The following KSR1 variants were observed in gnomAD, a reference collection of about 807,000 sequenced individuals.
The protein encoded by KSR1 is kinase suppressor of ras.
In KSR1, 35 loss-of-function variants were observed where a neutral mutation model predicts 92.9. The ratio of observed to expected loss-of-function variants is 0.38; its 90% CI spans 0.29 to 0.50. KSR1 has a LOEUF of 0.50. Ranked by LOEUF, KSR1 falls within the 20% of genes least tolerant of loss-of-function variation. The pLI, the probability that KSR1 is intolerant of heterozygous loss-of-function variation, is 0.94. For missense variants in KSR1, 972 were observed against 1,158.5 expected (o/e 0.84, Z 2.34); for synonymous variants, 467 against 472.6 (o/e 0.99, Z 0.15).
At chr17:27,460,133 G>T (rs1222364143) in intron 1 of KSR1, among the ~76,000 whole-genome samples, 1 of 152,102 alleles carries the variant, frequency 6.6e-6, no homozygotes, top group Non-Finnish European at 1.5e-5. Context: ...CCTCCTAGGG[G>T]TCTGAAAACT....
At position 27,501,186 on chromosome 17, in the gene KSR1, G is replaced by T. The variant is rs373741542; in HGVS notation, c.231+44312G>T. Among the ~76,000 whole-genome samples, 5 of 149,488 alleles carry T rather than the reference G, an allele frequency of 3.3e-5. No individual in the cohort carries two copies. In the South Asian group the frequency reaches 8.5e-4, roughly 25 times the overall value. ...TGCAGCCCTGTGATGCAGTATTTAG[G>T]CTTGTGGTTGCTTTAGAGTCAGGAC... On this transcript the variant is annotated intron_variant, in intron 1 of 20. Transcript: ENST00000644974.
chr17:27,546,147 G>C (rs912987740), intron 1 of KSR1, among the ~76,000 whole-genome samples: 5 of 152,184 alleles, frequency 3.3e-5, no homozygotes, highest in African/African-American at 1.2e-4. Context: ...GGAAGGGCTG[G>C]CTGTGAGAAA....
intron 10 of KSR1, among the ~76,000 whole-genome samples, chr17:27,599,110 C>A (rs928311452): frequency 6.6e-6 from 1 of 152,218 alleles, no homozygotes; most frequent in Non-Finnish European, 1.5e-5. Flanking sequence ...CTCCACACGC[C>A]TCGGCTGTGT....
intron 1 of KSR1, among the ~76,000 whole-genome samples, chr17:27,473,527 AG>A (rs2020138222): frequency 6.6e-6 from 1 of 152,176 alleles, no homozygotes; most frequent in African/African-American, 2.4e-5. Context: ...TGTGAGGAGC[AG>A]CCTGTAGGGC....
chr17:27,482,658 G>A (rs778552590), intron 1 of KSR1, among the ~76,000 whole-genome samples: 15 of 152,144 alleles, frequency 9.9e-5, no homozygotes, highest in Admixed American at 2.6e-4. Context: ...TAGACCTATG[G>A]CACTTAAAAA....
chr17:27,611,291 C>A, intron 17 of KSR1: 1 of 601,372 alleles, frequency 1.7e-6, no homozygotes, highest in South Asian at 2.1e-5. Context: ...CTCAGACTTC[C>A]CACCCAACGA....
chr17:27,500,385 G>A (rs2069135356), intron 1 of KSR1, among the ~76,000 whole-genome samples: 1 of 152,156 alleles, frequency 6.6e-6, no homozygotes, highest in Non-Finnish European at 1.5e-5. Flanking sequence ...ACGGGATAGT[G>A]TAGGTTTGAT....
At chr17:27,585,623 C>T (rs376129727) in intron 4 of KSR1, 34 bp from the exon 5 acceptor site, 14 of 755,424 alleles carry the variant, frequency 1.9e-5, no homozygotes, top group South Asian at 8.5e-5. Context: ...AGCGTGGTGA[C>T]GTAATCCCCC....
chr17:27,599,906 A>G (rs1047511590), intron 10 of KSR1, among the ~76,000 whole-genome samples: 2 of 151,974 alleles, frequency 1.3e-5, no homozygotes, highest in African/African-American at 2.4e-5. Context: ...TAACTAAGAC[A>G]CACACGCTAG....
At position 27,623,537 on chromosome 17, in the gene KSR1, A is replaced by T. The variant is rs2074281179; in HGVS notation, c.*145A>T. ...GTCCTAGATTCAGACTGTTGGCCATAAACCCCACTCGGGAGATGGAGCTGC... is the reference window on the plus strand; with the variant it reads ...GTCCTAGATTCAGACTGTTGGCCATTAACCCCACTCGGGAGATGGAGCTGC... On this transcript the variant is annotated 3_prime_UTR_variant, in exon 21 of 21. Transcript: ENST00000644974. 4 of 673,464 alleles carry T rather than the reference A, an allele frequency of 5.9e-6. No individual in the cohort carries two copies. In the East Asian group the frequency reaches 1.1e-4, roughly 18 times the overall value. 41.7% of individuals were successfully genotyped at this position (673,464 alleles called of 1,614,324 possible).
intron 5 of KSR1, 101 bp from the exon 6 acceptor site, chr17:27,588,374 G>A (rs1165934162): frequency 2.1e-6 from 2 of 968,060 alleles, no homozygotes; most frequent in Non-Finnish European, 3.0e-6. Flanking sequence ...ATAAACCATT[G>A]CGCCCCCCTC....
intron 4 of KSR1, chr17:27,584,051 G>A: frequency 1.1e-6 from 1 of 872,204 alleles, no homozygotes; most frequent in Non-Finnish European, 1.4e-6. Context: ...TTAGATCATT[G>A]TCTTTTTTGT....
chr17:27,462,456 G>A (rs532866068), intron 1 of KSR1, among the ~76,000 whole-genome samples: 1 of 152,330 alleles, frequency 6.6e-6, no homozygotes, highest in South Asian at 2.1e-4. Flanking sequence ...CCCAGGCTGT[G>A]CAGCCTCAGG....
intron 1 of KSR1, among the ~76,000 whole-genome samples, chr17:27,474,993 G>A (rs1372281908): frequency 1.3e-5 from 2 of 152,204 alleles, no homozygotes; most frequent in African/African-American, 4.8e-5. Flanking sequence ...GCAGGGAGGG[G>A]TGCCTAGATG....
chr17:27,603,887 C>A lies in KSR1; in HGVS notation c.1564C>A (p.Arg522=). 1 of 1,613,184 alleles carries A rather than the reference C, an allele frequency of 6.2e-7. No individual in the cohort carries two copies. The highest frequency in any genetic ancestry group is 2.2e-5 in the East Asian group (1 of 44,826). ...GCTCCCTGAAGCTGCCGACGGTACC[C>A]GGTAGGCATCCCTAGGTGGTGTCCC... ...APLPEAADGT[R]LDDQPKADVL... Residue 522 remains arginine, a splice_region_variant and synonymous_variant, in exon 12 of 21, where the codon CGG becomes AGG. Transcript: ENST00000644974.
intron 2 of KSR1, among the ~76,000 whole-genome samples, chr17:27,565,815 A>C (rs1434276087): frequency 6.6e-6 from 1 of 152,276 alleles, no homozygotes. Flanking sequence ...TTTAAAAATA[A>C]AATAAAACCC....
chr17:27,547,502 A>G (rs1416659124), intron 1 of KSR1, among the ~76,000 whole-genome samples: 1 of 152,258 alleles, frequency 6.6e-6, no homozygotes, highest in East Asian at 1.9e-4. Flanking sequence ...GAGCTATCTG[A>G]AAAAGCAGTT....
At chr17:27,484,392 C>T (rs777135917) in intron 1 of KSR1, among the ~76,000 whole-genome samples, 9 of 152,144 alleles carry the variant, frequency 5.9e-5, no homozygotes, top group East Asian at 3.8e-4. Context: ...CCACCATGCC[C>T]GGCTAATTTC....
rs1394517783 is a variant in KSR1 at position 27,559,029 on chromosome 17, C to G, written c.372+8321C>G. ...CTCCTTCCTTTTCCATATTGTTTTC[C>G]TAAGGGCCATCCCTGCAGGGTTATC... On this transcript the variant is annotated intron_variant, in intron 2 of 20. Coordinates refer to ENST00000644974, the MANE Select transcript of KSR1 (RefSeq NM_001394583.1). This position sits in a 1 kb window ranked among gnomAD's most constrained non-coding sequence, Gnocchi z 4.2. Among the ~76,000 whole-genome samples, 1 of 152,186 alleles carries G rather than the reference C, an allele frequency of 6.6e-6. No individual in the cohort carries two copies. The highest frequency in any genetic ancestry group is 2.4e-5 in the African/African-American group (1 of 41,448).
Sources: gnomAD v4.1 joint callset for allele counts (sites outside exome capture counted in the v4.1 genomes callset) on GRCh38, gnomAD v4.1.1 for gene constraint, Gnocchi (gnomAD v3.1) non-coding constraint, MANE v1.5 for transcripts, NCBI Gene and HGNC (gene_info 2026-07-23, HGNC 2026-07-21) for gene names.